The following RADIL variants were observed in gnomAD, a reference collection of about 807,000 sequenced individuals.
RADIL encodes ras-associating and dilute domain-containing protein.
RADIL carries 99 observed loss-of-function variants against 97.6 expected under a neutral mutation model. The observed-to-expected ratio is 1.01, with a 90% confidence interval of 0.86 to 1.20. The LOEUF (loss-of-function observed/expected upper bound fraction) is 1.20. RADIL is among the 50% of genes most tolerant of loss of function. The probability of loss-of-function intolerance (pLI) is 0.00; values close to 1 mark genes in which losing one functional copy is unlikely to be tolerated. For synonymous variants in RADIL, 803 were observed against 691.8 expected (o/e 1.16, Z -2.52); for missense variants, 1,765 against 1,498.9 (o/e 1.18, Z -2.93).
Position 4,882,698 on chromosome 7 carries a change from G to GC in RADIL, c.-65+897dup, listed in dbSNP as rs1784510752. Among the ~76,000 whole-genome samples the GC allele has an allele frequency of 2.6e-5, 4 of 152,284 alleles. No individual in the cohort carries two copies. The South Asian group carries it at 8.3e-4, about 32-fold the overall frequency. Reference sequence around the variant, plus strand: ...TCCTATCTTTACAGCCCCAGCCCGAGCCACGCTTTCAAATGCAAACATAAT... The same window carrying GC: ...TCCTATCTTTACAGCCCCAGCCCGAGCCCACGCTTTCAAATGCAAACATAAT... On this transcript the variant is annotated intron_variant, in intron 1 of 14. Coordinates refer to ENST00000399583, the MANE Select transcript of RADIL (RefSeq NM_018059.5).
In RADIL at chr7:4,854,964, C is replaced by G. The variant is rs186752943; in HGVS notation, c.536-18359G>C. On this transcript the variant is annotated intron_variant, in intron 2 of 14. Coordinates refer to ENST00000399583, the MANE Select transcript of RADIL (RefSeq NM_018059.5). This position sits in a 1 kb window ranked among gnomAD's most constrained non-coding sequence, Gnocchi z 5.1. ...CATGGCCTTTTTTCATTTATAGTTA[C>G]ACCACACATTTTTGGAACCCTAAAT... 4.6e-5 allele frequency among the ~76,000 whole-genome samples: 7 copies of G among 152,138 alleles called. No homozygotes were observed. Among genetic ancestry groups the G allele is most frequent in the African/African-American group, 1.7e-4 (7 of 41,426 alleles).
At chr7:4,848,526 G>T (rs1407162404) in intron 2 of RADIL, among the ~76,000 whole-genome samples, 1 of 152,002 alleles carries the variant, frequency 6.6e-6, no homozygotes, top group Non-Finnish European at 1.5e-5. Flanking sequence ...ATAATGAAAA[G>T]TAGCAAGGAA....
At chr7:4,861,809 A>T in intron 2 of RADIL, 1 of 1,365,878 alleles carries the variant, frequency 7.3e-7, no homozygotes, top group Non-Finnish European at 9.4e-7. Context: ...AAACGGCATC[A>T]TCTTTCAGCG....
In RADIL at chr7:4,815,121, A is replaced by G. The variant is rs76300116; in HGVS notation, c.2139+157T>C. On this transcript the variant is annotated intron_variant, in intron 9 of 14. Coordinates refer to ENST00000399583, the MANE Select transcript of RADIL (RefSeq NM_018059.5). This position sits in a 1 kb window ranked among gnomAD's most constrained non-coding sequence, Gnocchi z 8.0. ...CTGTCTACCGCAGGTGGACACAGCC[A>G]TGGAATGGAAGCAACTTTTCTGATT... Among the ~76,000 whole-genome samples the G allele has an allele frequency of 0.026, 3,997 of 152,272 alleles. 186 individuals are homozygous for G. The highest frequency in any genetic ancestry group is 0.091 in the African/African-American group (3,775 of 41,534).
chr7:4,855,962 AT>A (rs1783818775), intron 2 of RADIL, among the ~76,000 whole-genome samples: 1 of 151,954 alleles, frequency 6.6e-6, no homozygotes, highest in African/African-American at 2.4e-5. Flanking sequence ...TGCCCAGCGA[AT>A]TTTTGTATTT....
chr7:4,803,660 G>T lies in RADIL; in HGVS notation c.2385C>A (p.Ser795Arg). 6.4e-7 allele frequency: 1 copy of T among 1,552,096 alleles called. No homozygotes were observed. The highest frequency in any genetic ancestry group is 8.7e-7 in the Non-Finnish European group (1 of 1,148,110). Reference protein sequence around the residue: ...VDLEANCLDDSIYQHLLYVRH... With the variant: ...VDLEANCLDDRIYQHLLYVRH... ...GGACGTAGAGCAGGTGCTGGTAGATGCTGTCGTCCAGGCAGTTGGCTTCCA... is the reference window on the plus strand; with the variant it reads ...GGACGTAGAGCAGGTGCTGGTAGATTCTGTCGTCCAGGCAGTTGGCTTCCA... Residue 795 changes from serine to arginine, a missense_variant, in exon 11 of 15, where the codon AGC becomes AGA. Physicochemically the swap from Ser to Arg is moderately radical, Grantham distance 110. Transcript: ENST00000399583.
In RADIL at chr7:4,878,121, A is replaced by G. The variant is rs202023378; in HGVS notation, c.19T>C (p.Phe7Leu). The change falls in exon 2 of 15, where the codon TTC becomes CTC. Residue 7 changes from phenylalanine to leucine, a missense_variant. Transcript: ENST00000399583. This position sits in a 1 kb window ranked among gnomAD's most constrained non-coding sequence, Gnocchi z 4.1. The part of the protein sequence containing the change: MFYGTH[F>L]IMSPPTKSKL... Reference sequence around the variant, plus strand: ...CTCTTGGTGGGCGGGGACATGATGAAGTGCGTCCCATAAAACATGGTGGGT... The same window carrying G: ...CTCTTGGTGGGCGGGGACATGATGAGGTGCGTCCCATAAAACATGGTGGGT... 26 of 1,564,036 alleles carry G rather than the reference A, an allele frequency of 1.7e-5. 1 individual carries two copies. The East Asian group carries it at 5.9e-4, about 35-fold the overall frequency.
chr7:4,804,026 G>T (rs1173904795), intron 10 of RADIL: 3 of 518,200 alleles, frequency 5.8e-6, no homozygotes, highest in Non-Finnish European at 1.1e-5. Context: ...CAGCCCCACT[G>T]AGCCGCTCTG....
intron 2 of RADIL, among the ~76,000 whole-genome samples, chr7:4,845,328 G>T (rs753107253): frequency 6.6e-6 from 1 of 152,180 alleles, no homozygotes; most frequent in Non-Finnish European, 1.5e-5. Context: ...GGAAGCAGGA[G>T]TACCACTTGA....
In RADIL at chr7:4,798,294, C is replaced by G. The variant is rs754668088; in HGVS notation, c.*1084G>C. The G allele has an allele frequency of 6.6e-6, 1 of 152,130 alleles. No homozygotes were observed. Among genetic ancestry groups the G allele is most frequent in the Non-Finnish European group, 1.5e-5 (1 of 68,036 alleles). The allele number at this position is 152,130 out of a possible 1,614,324, so 9.4% of individuals were successfully genotyped here. On this transcript the variant is annotated 3_prime_UTR_variant, in exon 15 of 15. Transcript: ENST00000399583. Reference sequence around the variant, plus strand: ...CGCCGTAGCGCACACCAGGGGGCAGCGTGGAGCTGCACGAGGCCCAGGGCC... The same window carrying G: ...CGCCGTAGCGCACACCAGGGGGCAGGGTGGAGCTGCACGAGGCCCAGGGCC...
chr7:4,832,193 C>CGGG lies in RADIL; in HGVS notation c.1417-18_1417-16dup. ...TTGGTTTTCTCCTACAATTACAAAG[C>CGGG]GGGAGAAAAAGCAAGTGAGCAAAAC... On this transcript the variant is annotated splice_polypyrimidine_tract_variant and intron_variant, in intron 4 of 14. Transcript: ENST00000399583. The CGGG allele has an allele frequency of 6.2e-7, 1 of 1,609,552 alleles. No individual in the cohort carries two copies. The highest frequency in any genetic ancestry group is 8.5e-7 in the Non-Finnish European group (1 of 1,177,634).
At chr7:4,816,155 G>A (rs1014600358) in intron 8 of RADIL, 73 bp downstream of exon 8, 12 of 1,419,902 alleles carry the variant, frequency 8.5e-6, no homozygotes, top group East Asian at 6.9e-5. Flanking sequence ...AGGAGCTGGC[G>A]AGGGAGGCGC....
intron 9 of RADIL, chr7:4,809,260 G>A (rs1782464273): frequency 1.2e-5 from 12 of 985,222 alleles, no homozygotes; most frequent in Non-Finnish European, 1.4e-5. Flanking sequence ...GCCAAGCTGG[G>A]CGAGAGGCCG....
intron 2 of RADIL, among the ~76,000 whole-genome samples, chr7:4,845,564 G>A (rs943194329): frequency 1.3e-5 from 2 of 152,156 alleles, no homozygotes; most frequent in Non-Finnish European, 1.5e-5. Flanking sequence ...GATTCTCTCC[G>A]GGAGGTGACC....
chr7:4,853,337 G>C (rs1783752926), intron 2 of RADIL, among the ~76,000 whole-genome samples: 1 of 152,208 alleles, frequency 6.6e-6, no homozygotes, highest in South Asian at 2.1e-4. Context: ...TTAATCAAAA[G>C]GGAGATTATC....
At chr7:4,816,535 C>G in intron 7 of RADIL, 70 bp from the exon 8 acceptor site, 1 of 1,302,946 alleles carries the variant, frequency 7.7e-7, no homozygotes, top group Non-Finnish European at 1.1e-6. Flanking sequence ...GGGGGCCTGA[C>G]CCAGCGAGCT....
At chr7:4,827,895 A>AAAACAAAC (rs201613986) in intron 5 of RADIL, among the ~76,000 whole-genome samples, 1 of 151,692 alleles carries the variant, frequency 6.6e-6, no homozygotes, top group Non-Finnish European at 1.5e-5. Context: ...AGGACAGTGC[A>AAAACAAAC]AAACAAACAA....
chr7:4,833,169 C>G (rs538897851), intron 4 of RADIL, among the ~76,000 whole-genome samples: 3 of 152,186 alleles, frequency 2.0e-5, no homozygotes, highest in South Asian at 2.1e-4. Context: ...CCGGGTCCCT[C>G]AGCAAGTGAC....
chr7:4,874,478 C>T (rs1784324016), intron 2 of RADIL, among the ~76,000 whole-genome samples: 2 of 152,202 alleles, frequency 1.3e-5, no homozygotes, highest in Non-Finnish European at 2.9e-5. Flanking sequence ...CATCTCAAAC[C>T]ACCCGGCCGC....
Sources: gnomAD v4.1 joint callset for allele counts (sites outside exome capture counted in the v4.1 genomes callset) on GRCh38, gnomAD v4.1.1 for gene constraint, Gnocchi (gnomAD v3.1) non-coding constraint, MANE v1.5 for transcripts, NCBI Gene and HGNC (gene_info 2026-07-23, HGNC 2026-07-21) for gene names.